Variants in UGT2B11 observed in about 807,000 individuals in gnomAD.
The protein encoded by UGT2B11 is UDP-glucuronosyltransferase 2B11.
In UGT2B11, 49 loss-of-function variants were observed where a neutral mutation model predicts 51.7. That is an observed-to-expected ratio of 0.95 (90% CI 0.75 to 1.20). UGT2B11 has a LOEUF of 1.20. Among genes scored for constraint, UGT2B11 ranks in the 50% most tolerant of loss-of-function variants. The pLI is 0.00. For missense variants in UGT2B11, 810 were observed against 622.1 expected (o/e 1.30, Z -3.21); for synonymous variants, 273 against 209.0 (o/e 1.31, Z -2.64).
chr4:69,224,234 C>G, the UGT2B11 span, among the ~76,000 whole-genome samples: 1 of 152,070 alleles, frequency 6.6e-6, no homozygotes, highest in Non-Finnish European at 1.5e-5. Context: ...CATTAGGACC[C>G]AGGAGGAAGG....
At position 69,205,404 on chromosome 4, in the gene UGT2B11, A is replaced by T. The variant is rs1721812841; in HGVS notation, c.1090+76T>A. 5 of 1,542,768 alleles carry T rather than the reference A, an allele frequency of 3.2e-6. No homozygotes were observed. In the South Asian group the frequency reaches 4.7e-5, roughly 15 times the overall value. ...TCTTTTTTGTTTTCCTATAACAAAT[A>T]TTCAATAAGCATGTTTCATTAACCC... On this transcript the variant is annotated intron_variant, in intron 4 of 5. Transcript: ENST00000446444.
rs756580916 is a variant in UGT2B11, at chr4:69,214,337, T to C, written c.386A>G (p.Asp129Gly). 6.2e-7 allele frequency: 1 copy of C among 1,612,906 alleles called. No individual in the cohort carries two copies. The highest frequency in any genetic ancestry group is 1.3e-5 in the African/African-American group (1 of 74,816). The change falls in exon 1 of 6, where the codon GAT (aspartate) becomes GGT (glycine). Residue 129 changes from aspartate (D) to glycine (G), a missense_variant. Physicochemically the swap from Asp to Gly is moderately conservative, Grantham distance 94 (BLOSUM62 -1). Transcript: ENST00000446444. ...LYDIFRNFCK[D>G]VVSNKKVMKK... ...CATAACTTTCTTATTTGAAACTACA[T>C]CTTTACAGAAGTTTCTAAATATGTC... is the stretch of plus-strand genomic sequence containing the variant.
the UGT2B11 span, among the ~76,000 whole-genome samples, chr4:69,222,006 TAAC>T: frequency 6.6e-6 from 1 of 152,284 alleles, no homozygotes; most frequent in African/African-American, 2.4e-5. Context: ...ACCGCACTGA[TAAC>T]AAGTCCTACT....
At chr4:69,213,134 A>C (rs1480746778) in intron 1 of UGT2B11, among the ~76,000 whole-genome samples, 2 of 150,224 alleles carry the variant, frequency 1.3e-5, no homozygotes, top group Non-Finnish European at 3.0e-5. Context: ...TACACAACTC[A>C]TTAAGCTAAT....
At chr4:69,205,799 G>C in intron 3 of UGT2B11, 2 of 432,248 alleles carry the variant, frequency 4.6e-6, no homozygotes, top group Admixed American at 4.4e-5. Context: ...GACTATCAAT[G>C]AAAAGTTCAA....
chr4:69,212,593 G>T lies in UGT2B11; in HGVS notation c.850C>A (p.Pro284Thr), dbSNP rs1438831398. 3.1e-6 allele frequency: 5 copies of T among 1,608,294 alleles called. No homozygotes were observed. In the African/African-American group the frequency reaches 4.0e-5, roughly 13 times the overall value. Residue 284 changes from proline to threonine, a missense_variant, in exon 2 of 6, where the codon CCT (proline) becomes ACT (threonine). Coordinates refer to ENST00000446444, the MANE Select transcript of UGT2B11 (RefSeq NM_001073.3). The stretch of plus-strand genomic sequence containing the variant: ...TTTACCTTAGGTAGGGGTTTGGCAG[G>T]TTTGCAGTGGAATCCTCCAACAAAA... ...VDFVGGFHCK[P>T]AKPLPKEMEE...
intron 4 of UGT2B11, among the ~76,000 whole-genome samples, 173 bp from the exon 5 acceptor site, chr4:69,204,822 A>T (rs1721789665): frequency 6.6e-6 from 1 of 151,722 alleles, no homozygotes; most frequent in Non-Finnish European, 1.5e-5. Context: ...ACTGAAAGCT[A>T]TGTGGTGTGT....
intron 3 of UGT2B11, among the ~76,000 whole-genome samples, chr4:69,206,556 A>T (rs932253355): frequency 1.3e-5 from 2 of 151,542 alleles, no homozygotes; most frequent in African/African-American, 2.4e-5. Flanking sequence ...TGACACAATC[A>T]GTACAACAAA....
chr4:69,212,901 T>A (rs1321142114), intron 1 of UGT2B11, among the ~76,000 whole-genome samples, 180 bp from the exon 2 acceptor site: 1 of 150,998 alleles, frequency 6.6e-6, no homozygotes, highest in African/African-American at 2.4e-5. Flanking sequence ...CATGTTTATT[T>A]ATAAGAAAGG....
At chr4:69,204,334 G>A in intron 5 of UGT2B11, 96 bp downstream of exon 5, 1 of 1,522,524 alleles carries the variant, frequency 6.6e-7, no homozygotes, top group Non-Finnish European at 8.9e-7. Context: ...ATTCTTTCAA[G>A]ATTACTCTCT....
chr4:69,218,944 C>T (rs1196355096), upstream of UGT2B11, among the ~76,000 whole-genome samples: 1 of 152,106 alleles, frequency 6.6e-6, no homozygotes, highest in Non-Finnish European at 1.5e-5. Context: ...AGCCAGAATT[C>T]CAGATGTCTA....
chr4:69,214,740 A>G lies in UGT2B11; in HGVS notation c.-18T>C. On this transcript the variant is annotated 5_prime_UTR_variant, in exon 1 of 6. It removes an upstream start codon present in the reference 5' UTR. Coordinates refer to ENST00000446444, the MANE Select transcript of UGT2B11 (RefSeq NM_001073.3). ...AGAGTCATCCTGGTGCAATGCGATC[A>G]TTCTTTTCCAGTCACTGTTTCTTTC... 1.9e-6 allele frequency: 3 copies of G among 1,605,300 alleles called. No homozygotes were observed. The highest frequency in any genetic ancestry group is 2.6e-6 in the Non-Finnish European group (3 of 1,175,818).
At chr4:69,218,022 C>T (rs1462446180), upstream of UGT2B11, among the ~76,000 whole-genome samples, 1 of 152,242 alleles carries the variant, frequency 6.6e-6, no homozygotes, top group South Asian at 2.1e-4. Context: ...TCTGCTAATA[C>T]AGTCATTTTG....
At chr4:69,217,260 A>C (rs996996258), upstream of UGT2B11, among the ~76,000 whole-genome samples, 8 of 152,130 alleles carry the variant, frequency 5.3e-5, no homozygotes, top group African/African-American at 1.9e-4. Flanking sequence ...GTCTCACCAG[A>C]AATTTACATC....
the UGT2B11 span, among the ~76,000 whole-genome samples, chr4:69,224,415 C>T: frequency 2.0e-5 from 3 of 152,102 alleles, 1 homozygote; most frequent in African/African-American, 7.2e-5. Context: ...TCCAGACTTA[C>T]CAACATTCCC....
At chr4:69,202,027 A>C (rs1276439642) in intron 5 of UGT2B11, among the ~76,000 whole-genome samples, 2 of 151,798 alleles carry the variant, frequency 1.3e-5, no homozygotes, top group East Asian at 3.9e-4. Flanking sequence ...GACTTCGAAT[A>C]ACAACATTAG....
chr4:69,201,645 C>A (rs1462063441), intron 5 of UGT2B11, among the ~76,000 whole-genome samples: 1 of 151,720 alleles, frequency 6.6e-6, no homozygotes, highest in African/African-American at 2.4e-5. Flanking sequence ...CTTGCTACAA[C>A]CCAAGGCATG....
At chr4:69,215,843 C>A (rs1360970884), upstream of UGT2B11, 31 of 150,846 alleles carry the variant, frequency 2.1e-4, no homozygotes, top group African/African-American at 5.3e-4. Context: ...TCCAACAGAC[C>A]CAAAAAAGGA....
upstream of UGT2B11, chr4:69,214,842 C>T: frequency 1.4e-6 from 2 of 1,453,802 alleles, no homozygotes; most frequent in Non-Finnish European, 9.2e-7. Context: ...ATTATAGGAG[C>T]ATCCTGAGTA....
Sources: allele counts gnomAD v4.1 joint callset (sites outside exome capture counted in the v4.1 genomes callset), GRCh38; gene constraint gnomAD v4.1.1; transcripts MANE v1.5; gene names NCBI Gene and HGNC (gene_info 2026-07-23, HGNC 2026-07-21).